The following ACSS2 variants were observed in gnomAD, a reference collection of about 807,000 sequenced individuals.
The protein encoded by ACSS2 is acetyl-coenzyme A synthetase, cytoplasmic.
In ACSS2, 58 loss-of-function variants were observed where a neutral mutation model predicts 90.6. The ratio of observed to expected loss-of-function variants is 0.64; its 90% CI spans 0.52 to 0.80. The LOEUF (loss-of-function observed/expected upper bound fraction) is 0.80. ACSS2 is among the 30% of genes least tolerant of loss of function. ACSS2 has a pLI of 0.00. For synonymous variants in ACSS2, 300 were observed against 330.9 expected, an observed-to-expected ratio of 0.91 and a Z score of 1.01; for missense variants, 759 against 912.0, an observed-to-expected ratio of 0.83 and a Z score of 2.16.
chr20:34,924,006 A>G (rs2081261815), intron 14 of ACSS2, among the ~76,000 whole-genome samples: 1 of 152,178 alleles, frequency 6.6e-6, no homozygotes, highest in African/African-American at 2.4e-5. Context: ...CAAAGACTGT[A>G]AGGGCAGGAA....
intron 2 of ACSS2, among the ~76,000 whole-genome samples, chr20:34,883,643 A>T (rs1263767383): frequency 6.6e-6 from 1 of 152,186 alleles, no homozygotes; most frequent in African/African-American, 2.4e-5. Context: ...TCTTAGTTTC[A>T]TTTTATAGGT....
intron 2 of ACSS2, among the ~76,000 whole-genome samples, chr20:34,888,086 A>AAG (rs2080243723): frequency 6.6e-6 from 1 of 151,392 alleles, no homozygotes; most frequent in Non-Finnish European, 1.5e-5. Flanking sequence ...AAAAAAAAAA[A>AAG]AAAGCCTGAA....
chr20:34,889,356 T>C (rs192787832), intron 2 of ACSS2, among the ~76,000 whole-genome samples: 43 of 152,002 alleles, frequency 2.8e-4, no homozygotes, highest in African/African-American at 9.4e-4. Context: ...TCTCTTGACC[T>C]CGTGATCCAC....
rs776503539 is a variant in ACSS2 at position 34,914,063 on chromosome 20, A to G, written c.644-33A>G. The G allele has an allele frequency of 2.0e-5, 33 of 1,611,636 alleles. No individual in the cohort carries two copies. In the East Asian group the frequency reaches 7.1e-4, roughly 35 times the overall value. Reference sequence around the variant, plus strand: ...GTGCCCACTAGGCAGCATGGGGCTTACTAAGGCCTGGAATGTCTGTTGCTC... The same window carrying G: ...GTGCCCACTAGGCAGCATGGGGCTTGCTAAGGCCTGGAATGTCTGTTGCTC... On this transcript the variant is annotated intron_variant, in intron 5 of 17. Transcript: ENST00000360596.
At chr20:34,898,454 T>C (rs1281070727) in intron 2 of ACSS2, among the ~76,000 whole-genome samples, 1 of 151,886 alleles carries the variant, frequency 6.6e-6, no homozygotes, top group East Asian at 1.9e-4. Context: ...AGATACAGAG[T>C]GTCAATTGGT....
intron 14 of ACSS2, 34 bp downstream of exon 14, chr20:34,923,465 A>G: frequency 6.8e-7 from 1 of 1,476,760 alleles, no homozygotes; most frequent in Non-Finnish European, 9.5e-7. Context: ...TGCACCTCCC[A>G]CTAAGACATG....
In ACSS2 at chr20:34,926,251, C is replaced by A; in HGVS notation, c.1873C>A (p.Pro625Thr). ...VTLCDGHTFSPKLTEELKKQI... is the reference protein window; with the variant it reads ...VTLCDGHTFSTKLTEELKKQI... Reference sequence around the variant, plus strand: ...CTTGTGTGATGGCCACACCTTCAGCCCCAAGCTCACCGAGGAGCTCAAGAA... The same window carrying A: ...CTTGTGTGATGGCCACACCTTCAGCACCAAGCTCACCGAGGAGCTCAAGAA... Residue 625 changes from proline (P) to threonine (T), a missense_variant, in exon 16 of 18, where the codon CCC becomes ACC. Pro to Thr is a conservative substitution (Grantham distance 38, BLOSUM62 -1). Coordinates refer to ENST00000360596, the MANE Select transcript of ACSS2 (RefSeq NM_018677.4). 6.2e-7 allele frequency: 1 copy of A among 1,614,130 alleles called. No homozygotes were observed. Among genetic ancestry groups the A allele is most frequent in the African/African-American group, 1.3e-5 (1 of 75,032 alleles).
intron 2 of ACSS2, among the ~76,000 whole-genome samples, chr20:34,889,266 G>T (rs1442211437): frequency 6.6e-6 from 1 of 152,068 alleles, no homozygotes; most frequent in African/African-American, 2.4e-5. Flanking sequence ...GGTACTACAG[G>T]CGCCCGCCAC....
At chr20:34,879,434 T>C (rs543417927) in intron 1 of ACSS2, among the ~76,000 whole-genome samples, 100 of 151,952 alleles carry the variant, frequency 6.6e-4, no homozygotes, top group African/African-American at 2.3e-3. Flanking sequence ...CAATTTATGC[T>C]CACCTTTTTC....
At chr20:34,896,010 G>T in intron 2 of ACSS2, among the ~76,000 whole-genome samples, 1 of 151,800 alleles carries the variant, frequency 6.6e-6, no homozygotes, top group East Asian at 1.9e-4. Context: ...TCTGCTCTAG[G>T]CATATTCCTC....
At chr20:34,876,553 C>A, upstream of ACSS2, 1 of 1,277,612 alleles carries the variant, frequency 7.8e-7, no homozygotes, top group African/African-American at 1.5e-5. Context: ...CCCCGCCCCT[C>A]TACGGAGGCC....
chr20:34,918,377 G>A (rs1177318712), intron 7 of ACSS2, among the ~76,000 whole-genome samples: 4 of 152,354 alleles, frequency 2.6e-5, no homozygotes, highest in Middle Eastern at 3.4e-3. Flanking sequence ...TCATTCAGCA[G>A]ATGGTAGACT....
intron 2 of ACSS2, among the ~76,000 whole-genome samples, chr20:34,900,870 T>C (rs573363261): frequency 5.3e-5 from 8 of 152,318 alleles, no homozygotes; most frequent in Admixed American, 1.3e-4. Context: ...TTTATTTTTT[T>C]CCTTATGCTA....
At chr20:34,899,423 T>TTTCTCTTTCC (rs1491564858) in intron 2 of ACSS2, among the ~76,000 whole-genome samples, 8 of 113,024 alleles carry the variant, frequency 7.1e-5, no homozygotes, top group African/African-American at 1.1e-4. Flanking sequence ...TCTTTCTTTC[T>TTTCTCTTTCC]TTCCTTCCTT....
intron 13 of ACSS2, 62 bp from the exon 14 acceptor site, chr20:34,923,261 G>A: frequency 8.3e-7 from 1 of 1,208,326 alleles, no homozygotes; most frequent in Non-Finnish European, 1.2e-6. Context: ...TAGAAAAGCT[G>A]TAATTATCTT....
At chr20:34,916,655 G>A (rs761416372) in intron 7 of ACSS2, among the ~76,000 whole-genome samples, 6 of 152,284 alleles carry the variant, frequency 3.9e-5, no homozygotes, top group Non-Finnish European at 5.9e-5. Context: ...GAGAATTGCA[G>A]TCAAAGCTGC....
In ACSS2 at chr20:34,921,430, C is replaced by G. The variant is rs1357205434; in HGVS notation, c.1378C>G (p.Pro460Ala). ...CCGGGTGGTAGGTGCCCAGCGCTGC[C>G]CCATCGTGGACACCTTCTGGCAAAC... Reference protein sequence around the residue: ...YHRVVGAQRCPIVDTFWQTET... With the variant: ...YHRVVGAQRCAIVDTFWQTET... Residue 460 changes from proline (P) to alanine (A), a missense_variant, in exon 11 of 18, where the codon CCC (proline) becomes GCC (alanine). Physicochemically the swap from Pro to Ala is conservative, Grantham distance 27 (BLOSUM62 -1). Transcript: ENST00000360596. 1.9e-6 allele frequency: 3 copies of G among 1,614,106 alleles called. No individual in the cohort carries two copies. The South Asian group carries it at 3.3e-5, about 18-fold the overall frequency.
chr20:34,890,507 G>A (rs1281184662), intron 2 of ACSS2, among the ~76,000 whole-genome samples: 1 of 152,108 alleles, frequency 6.6e-6, no homozygotes, highest in Non-Finnish European at 1.5e-5. Context: ...GAGGACTGTC[G>A]GGGATTTGGG....
chr20:34,892,269 AT>A (rs901735842), intron 2 of ACSS2, among the ~76,000 whole-genome samples: 2 of 152,172 alleles, frequency 1.3e-5, no homozygotes, highest in Non-Finnish European at 2.9e-5. Flanking sequence ...ATTTATAACA[AT>A]TAACTCAGAA....
Sources: gnomAD v4.1 joint callset for allele counts (sites outside exome capture counted in the v4.1 genomes callset) on GRCh38, gnomAD v4.1.1 for gene constraint, MANE v1.5 for transcripts, NCBI Gene and HGNC (gene_info 2026-07-23, HGNC 2026-07-21) for gene names.